BLM: variants seen among roughly 807,000 people sequenced by gnomAD.
BLM encodes the protein recQ-like DNA helicase BLM.
BLM carries 95 observed loss-of-function variants against 135.3 expected under a neutral mutation model. That is an observed-to-expected ratio of 0.70 (90% CI 0.59 to 0.83). BLM has a LOEUF of 0.83. BLM is among the 40% of genes least tolerant of loss of function. The pLI is 0.00. For synonymous variants in BLM, 520 were observed against 589.2 expected (o/e 0.88, Z 1.70); for missense variants, 1,518 against 1,663.9 (o/e 0.91, Z 1.53).
chr15:90,749,445 A>G lies in BLM; in HGVS notation c.177A>G (p.Val59=). ...ATGTGTCAGTAGCAAAAACACCTGT[A>G]TTAAGAAATAAAGATGTTAATGTTA... is the stretch of plus-strand genomic sequence containing the variant. ...VTNVSVAKTP[V]LRNKDVNVTE... is the part of the protein sequence containing the mutation. Residue 59 remains valine (V), a synonymous_variant, in exon 3 of 22, where the codon GTA becomes GTG. Coordinates refer to ENST00000355112, the MANE Select transcript of BLM (RefSeq NM_000057.4). 1 of 1,612,294 alleles carries G rather than the reference A, an allele frequency of 6.2e-7. No homozygotes were observed. The highest frequency in any genetic ancestry group is 8.5e-7 in the Non-Finnish European group (1 of 1,178,296).
In BLM at chr15:90,766,946, T is replaced by C; in HGVS notation, c.2230T>C (p.Ser744Pro). 6.2e-7 allele frequency: 1 copy of C among 1,605,844 alleles called. No individual in the cohort carries two copies. Among genetic ancestry groups the C allele is most frequent in the Non-Finnish European group, 8.5e-7 (1 of 1,173,274 alleles). The change falls in exon 10 of 22, where the codon TCA (serine) becomes CCA (proline). Residue 744 changes from serine to proline, a missense_variant. Transcript: ENST00000355112. ...ATYLTGDKTD[S>P]EATNIYLQLS... is the part of the protein sequence containing the mutation. The stretch of plus-strand genomic sequence containing the variant: ...ATATCTGACAGGTGATAAGACTGAC[T>C]CAGAAGCTACAAATATTTACCTCCA...
At chr15:90,734,020 T>C (rs1895135420) in intron 1 of BLM, among the ~76,000 whole-genome samples, 1 of 152,176 alleles carries the variant, frequency 6.6e-6, no homozygotes, top group East Asian at 1.9e-4. Flanking sequence ...ATGAATATTA[T>C]GTATAAAAAT....
intron 19 of BLM, among the ~76,000 whole-genome samples, chr15:90,806,261 T>A (rs543467274): frequency 1.2e-4 from 19 of 152,170 alleles, no homozygotes; most frequent in Non-Finnish European, 2.1e-4. Flanking sequence ...CTGTAATCCC[T>A]GCACTTTGGG....
At chr15:90,720,637 T>C (rs1894739507) in intron 1 of BLM, among the ~76,000 whole-genome samples, 1 of 152,094 alleles carries the variant, frequency 6.6e-6, no homozygotes. Context: ...TTCTTTTCTT[T>C]TTTTTTGAGA....
chr15:90,723,994 A>G (rs1463290940), intron 1 of BLM, among the ~76,000 whole-genome samples: 2 of 149,960 alleles, frequency 1.3e-5, no homozygotes, highest in Admixed American at 1.3e-4. Flanking sequence ...TTAATTTTTT[A>G]TTATTTAACT....
At chr15:90,792,618 CGTT>C (rs935691930) in intron 15 of BLM, among the ~76,000 whole-genome samples, 3 of 152,062 alleles carry the variant, frequency 2.0e-5, no homozygotes, top group Admixed American at 6.5e-5. Context: ...CAATAAGAGT[CGTT>C]GTAGTAGTAG....
At position 90,751,812 on chromosome 15, in the gene BLM, G is replaced by A. The variant is rs1386158170; in HGVS notation, c.825G>A (p.Leu275=). The A allele has an allele frequency of 6.2e-7, 1 of 1,612,278 alleles. No individual in the cohort carries two copies. Among genetic ancestry groups the A allele is most frequent in the African/African-American group, 1.3e-5 (1 of 74,862 alleles). The stretch of plus-strand genomic sequence containing the variant: ...ATAATAGCGAAAAGAAGAAGAATTT[G>A]GAAGAAGCTGAATTACATTCAACTG... The part of the protein sequence containing the change: ...ERDNSEKKKN[L]EEAELHSTEK... The change falls in exon 4 of 22, where the codon TTG becomes TTA. Residue 275 remains leucine (L), a synonymous_variant. Coordinates refer to ENST00000355112, the MANE Select transcript of BLM (RefSeq NM_000057.4).
At position 90,749,519 on chromosome 15, in the gene BLM, A is replaced by G; in HGVS notation, c.251A>G (p.Gln84Arg). 3.7e-6 allele frequency: 6 copies of G among 1,614,214 alleles called. No homozygotes were observed. Among genetic ancestry groups the G allele is most frequent in the Non-Finnish European group, 5.1e-6 (6 of 1,180,030 alleles). The change falls in exon 3 of 22, where the codon CAA (glutamine) becomes CGA (arginine). Residue 84 changes from glutamine to arginine, a missense_variant. By Grantham distance (43) the Gln-to-Arg change is conservative. This residue lies in a region of BLM where 724 missense variants were observed against 756.9 expected (regional missense o/e 0.96). Coordinates refer to ENST00000355112, the MANE Select transcript of BLM (RefSeq NM_000057.4). The stretch of plus-strand genomic sequence containing the variant: ...CCTCTACCCAACACCACAAATCAGC[A>G]AAGGGTCAAGGACTTCTTTAAAAAT... ...SEPLPNTTNQ[Q>R]RVKDFFKNAP...
intron 3 of BLM, among the ~76,000 whole-genome samples, chr15:90,750,829 A>G (rs1192826217): frequency 1.3e-5 from 2 of 152,174 alleles, no homozygotes; most frequent in African/African-American, 4.8e-5. Flanking sequence ...GTATGTATGT[A>G]TAGGAAAACA....
In BLM at chr15:90,793,792, G is replaced by A. The variant is rs28385100; in HGVS notation, c.3020-375G>A. The A allele has an allele frequency of 7.4e-3, 1,175 of 158,202 alleles. 18 individuals are homozygous for A. Among genetic ancestry groups the A allele is most frequent in the African/African-American group, 0.027 (1,116 of 41,590 alleles). 9.8% of individuals were successfully genotyped at this position (158,202 alleles called of 1,614,324 possible). On this transcript the variant is annotated intron_variant, in intron 15 of 21. Coordinates refer to ENST00000355112, the MANE Select transcript of BLM (RefSeq NM_000057.4). ...TTGGCACACAATTTTGGAACCACTG[G>A]TGTAACTACTTTGACCTCAGATACT...
rs1060503986 is a variant in BLM, at chr15:90,794,189, T to C, written c.3042T>C (p.His1014=). The C allele has an allele frequency of 1.2e-6, 2 of 1,604,898 alleles. No individual in the cohort carries two copies. Among genetic ancestry groups the C allele is most frequent in the East Asian group, 4.5e-5 (2 of 44,424 alleles). ...LIMMEKDGNH[H]TRETHFNNLY... is the part of the protein sequence containing the mutation. ...TAGTGGAAAAAGATGGAAACCATCA[T>C]ACAAGAGAAACTCACTTCAATAATT... The change falls in exon 16 of 22, where the codon CAT becomes CAC. Residue 1014 remains histidine, a synonymous_variant. Transcript: ENST00000355112.
At chr15:90,732,718 A>G (rs1304712087) in intron 1 of BLM, among the ~76,000 whole-genome samples, 1 of 152,174 alleles carries the variant, frequency 6.6e-6, no homozygotes, top group African/African-American at 2.4e-5. Flanking sequence ...AAAAACAAGT[A>G]AATCGAAAGC....
chr15:90,784,009 T>TAG (rs1282872567), intron 13 of BLM, among the ~76,000 whole-genome samples: 1 of 152,232 alleles, frequency 6.6e-6, no homozygotes, highest in Non-Finnish European at 1.5e-5. Context: ...ATGCATTTTT[T>TAG]TCTACTAGCA....
At chr15:90,751,598 C>A (rs1895684508) in intron 3 of BLM, among the ~76,000 whole-genome samples, 189 bp from the exon 4 acceptor site, 1 of 152,198 alleles carries the variant, frequency 6.6e-6, no homozygotes. Context: ...TGGACTTAAT[C>A]CACTTGACTC....
chr15:90,736,416 C>T (rs780404827), intron 1 of BLM, among the ~76,000 whole-genome samples: 14 of 152,158 alleles, frequency 9.2e-5, no homozygotes, highest in East Asian at 5.8e-4. Context: ...CATGCCACCA[C>T]GCCTTACTAA....
chr15:90,790,094 C>T (rs925805046), intron 14 of BLM, among the ~76,000 whole-genome samples: 13 of 136,846 alleles, frequency 9.5e-5, no homozygotes, highest in Non-Finnish European at 2.0e-4. Context: ...GACTTTAAAT[C>T]AGCTGATGAA....
At position 90,749,786 on chromosome 15, in the gene BLM, C is replaced by T. The variant is rs762713320; in HGVS notation, c.518C>T (p.Pro173Leu). Reference protein sequence around the residue: ...SETSKSFVTPPQSHFVRVSTA... With the variant: ...SETSKSFVTPLQSHFVRVSTA... Reference sequence around the variant, plus strand: ...ACTTCAAAATCATTTGTTACACCACCCCAAAGTCACTTTGTAAGAGTAAGC... The same window carrying T: ...ACTTCAAAATCATTTGTTACACCACTCCAAAGTCACTTTGTAAGAGTAAGC... The change falls in exon 3 of 22, where the codon CCC becomes CTC. Residue 173 changes from proline to leucine, a missense_variant. Pro to Leu is a moderately conservative substitution (Grantham distance 98, BLOSUM62 -3). Coordinates refer to ENST00000355112, the MANE Select transcript of BLM (RefSeq NM_000057.4). 6.2e-7 allele frequency: 1 copy of T among 1,611,350 alleles called. No homozygotes were observed. Among genetic ancestry groups the T allele is most frequent in the Admixed American group, 1.7e-5 (1 of 59,604 alleles).
chr15:90,733,913 T>G (rs2151134398), intron 1 of BLM, among the ~76,000 whole-genome samples: 1 of 152,326 alleles, frequency 6.6e-6, no homozygotes, highest in Non-Finnish European at 1.5e-5. Flanking sequence ...ATCTCACTTC[T>G]TTTACACAGC....
chr15:90,812,502 T>C (rs2238337), intron 21 of BLM, among the ~76,000 whole-genome samples: 98,018 of 152,078 alleles, frequency 0.64, 31,875 homozygotes, highest in East Asian at 0.81. Flanking sequence ...AGCCGCTTTT[T>C]GATTTTCTGC....
Sources: allele counts gnomAD v4.1 joint callset (sites outside exome capture counted in the v4.1 genomes callset), GRCh38; gene constraint gnomAD v4.1.1; regional missense constraint gnomAD v4.1.1; transcripts MANE v1.5; gene names NCBI Gene and HGNC (gene_info 2026-07-23, HGNC 2026-07-21).